NDUFAF6: variants seen among roughly 807,000 people sequenced by gnomAD.
NDUFAF6 encodes the protein NADH:ubiquinone oxidoreductase complex assembly factor 6, also known as NADH dehydrogenase (ubiquinone) complex I, assembly factor 6.
NDUFAF6 carries 45 observed loss-of-function variants against 40.8 expected under a neutral mutation model. That is an observed-to-expected ratio of 1.10 (90% CI 0.87 to 1.42). The LOEUF is 1.42. NDUFAF6 is among the 40% of genes most tolerant of loss of function. The pLI is 0.00. For missense variants in NDUFAF6, 435 were observed against 418.5 expected (o/e 1.04, Z -0.34); for synonymous variants, 185 against 155.9 (o/e 1.19, Z -1.39).
intron 1 of NDUFAF6, chr8:94,927,766 G>A (rs1471180316): frequency 1.3e-5 from 2 of 152,530 alleles, no homozygotes; most frequent in Non-Finnish European, 2.9e-5. Flanking sequence ...CACTGCTTGT[G>A]TACACCACAT....
chr8:94,947,566 A>AT (rs1439194468), intron 2 of NDUFAF6, among the ~76,000 whole-genome samples: 2 of 152,148 alleles, frequency 1.3e-5, no homozygotes, highest in Admixed American at 1.3e-4. Context: ...TTTAAAATGG[A>AT]TTTTGAACTG....
intron 1 of NDUFAF6, chr8:94,896,776 C>T (rs1051839843): frequency 2.0e-5 from 3 of 152,178 alleles, no homozygotes; most frequent in East Asian, 3.9e-4. Flanking sequence ...GCTTGAGGCC[C>T]GGGAAATAGC....
At chr8:94,923,636 C>T (rs73697048) in intron 1 of NDUFAF6, among the ~76,000 whole-genome samples, 2,175 of 151,454 alleles carry the variant, frequency 0.014, 46 homozygotes, top group African/African-American at 0.049. Flanking sequence ...TCTTATATTC[C>T]TTTCTTACAT....
At chr8:94,970,219 C>T (rs1824348804) in intron 1 of NDUFAF6, among the ~76,000 whole-genome samples, 1 of 139,182 alleles carries the variant, frequency 7.2e-6, no homozygotes, top group Non-Finnish European at 1.5e-5. Flanking sequence ...CACACCACTG[C>T]ACTCCAGCCT....
chr8:94,955,111 C>T (rs1020854345), upstream of NDUFAF6, among the ~76,000 whole-genome samples: 2 of 152,170 alleles, frequency 1.3e-5, no homozygotes, highest in Non-Finnish European at 2.9e-5. Flanking sequence ...AATACCAGCT[C>T]GGAGAGACAA....
At chr8:94,962,460 C>T (rs1160095185) in intron 1 of NDUFAF6, among the ~76,000 whole-genome samples, 2 of 152,086 alleles carry the variant, frequency 1.3e-5, no homozygotes, top group Non-Finnish European at 2.9e-5. Flanking sequence ...GCCTGACTAA[C>T]TTTTGTATTT....
At chr8:95,095,183 G>T (rs915375482) in intron 2 of NDUFAF6, among the ~76,000 whole-genome samples, 1 of 152,154 alleles carries the variant, frequency 6.6e-6, no homozygotes, top group African/African-American at 2.4e-5. Context: ...TTGACCCATG[G>T]TTGTAGAGGA....
downstream of NDUFAF6, among the ~76,000 whole-genome samples, chr8:95,076,869 G>A (rs1372515524): frequency 6.7e-5 from 4 of 59,338 alleles, no homozygotes; most frequent in East Asian, 2.2e-3. Context: ...GCGAAACTCC[G>A]TCTCAAAAAA....
downstream of NDUFAF6, among the ~76,000 whole-genome samples, chr8:95,077,418 C>T (rs565123131): frequency 3.3e-5 from 5 of 152,138 alleles, no homozygotes; most frequent in Non-Finnish European, 5.9e-5. Context: ...TTTTTCTATC[C>T]GGTAACTGAG....
At chr8:95,101,277 G>A (rs904214234) in intron 2 of NDUFAF6, 4 of 152,064 alleles carry the variant, frequency 2.6e-5, no homozygotes, top group Admixed American at 1.3e-4. Context: ...CTCTTAGCTG[G>A]GACCATCTAA....
chr8:95,056,405 G>T (rs1299161815), intron 8 of NDUFAF6, among the ~76,000 whole-genome samples: 1 of 151,844 alleles, frequency 6.6e-6, no homozygotes, highest in Non-Finnish European at 1.5e-5. Context: ...GAGAGATGGG[G>T]TTTTGCCGTG....
intron 1 of NDUFAF6, chr8:94,930,623 C>T (rs771481093): frequency 6.8e-6 from 11 of 1,614,186 alleles, no homozygotes; most frequent in Non-Finnish European, 9.3e-6. Context: ...CTTTTATCCA[C>T]TGGGAAGGGC....
intron 2 of NDUFAF6, among the ~76,000 whole-genome samples, chr8:94,986,627 A>G (rs1825918900): frequency 6.6e-6 from 1 of 152,216 alleles, no homozygotes; most frequent in African/African-American, 2.4e-5. Context: ...AAAAAATGCA[A>G]TTCCATGGGG....
At chr8:95,081,143 CTTTTTTTTTTTTTTTTTTTTT>C (rs559573385), downstream of NDUFAF6, among the ~76,000 whole-genome samples, 5 of 57,712 alleles carry the variant, frequency 8.7e-5, no homozygotes, top group Admixed American at 2.5e-4. Context: ...AGTCCTGCAT[CTTTTTTTTTTTTTTTTTTTTT>C]TTTTTTTTTT....
chr8:95,097,459 A>G (rs1317547353), upstream of NDUFAF6, among the ~76,000 whole-genome samples: 1 of 152,192 alleles, frequency 6.6e-6, no homozygotes, highest in Non-Finnish European at 1.5e-5. Context: ...GGACTTTGGG[A>G]GACTGAGGCG....
intron 2 of NDUFAF6, among the ~76,000 whole-genome samples, chr8:95,012,235 G>A (rs1416503852): frequency 6.6e-6 from 1 of 152,062 alleles, no homozygotes; most frequent in Non-Finnish European, 1.5e-5. Flanking sequence ...TACTTCCTTT[G>A]ATACACTGGA....
At chr8:95,066,538 G>GT (rs1301664670) in intron 9 of NDUFAF6, among the ~76,000 whole-genome samples, 1 of 152,102 alleles carries the variant, frequency 6.6e-6, no homozygotes, top group East Asian at 1.9e-4. Flanking sequence ...ATAAATCTAG[G>GT]TTTTTTAAAT....
At chr8:94,919,141 G>C (rs1179414860) in intron 1 of NDUFAF6, among the ~76,000 whole-genome samples, 1 of 152,104 alleles carries the variant, frequency 6.6e-6, no homozygotes, top group Non-Finnish European at 1.5e-5. Flanking sequence ...AGATGTGCCA[G>C]TGTAATTATT....
chr8:94,953,590 C>T (rs72676996), upstream of NDUFAF6, among the ~76,000 whole-genome samples: 2,539 of 152,334 alleles, frequency 0.017, 44 homozygotes, highest in Non-Finnish European at 0.028. Flanking sequence ...GCGACTTCTT[C>T]ACTCACACTG....
Sources: allele counts gnomAD v4.1 joint callset (sites outside exome capture counted in the v4.1 genomes callset), GRCh38; gene constraint gnomAD v4.1.1; transcripts MANE v1.5; gene names NCBI Gene and HGNC (gene_info 2026-07-23, HGNC 2026-07-21).